The following NLRP9 variants were observed in gnomAD, a reference collection of about 807,000 sequenced individuals.
NLRP9 encodes NLR family pyrin domain containing 9.
In NLRP9, 88 loss-of-function variants were observed where a neutral mutation model predicts 83.1. The ratio of observed to expected loss-of-function variants is 1.06; its 90% CI spans 0.89 to 1.26. The LOEUF is 1.26. NLRP9 is among the 50% of genes most tolerant of loss of function. The pLI is 0.00. For missense variants in NLRP9, 1,308 were observed against 1,179.3 expected, an observed-to-expected ratio of 1.11 and a Z score of -1.60; for synonymous variants, 521 against 447.6, an observed-to-expected ratio of 1.16 and a Z score of -2.07.
chr19:55,712,535 T>C lies in NLRP9; in HGVS notation c.2557A>G (p.Ile853Val), dbSNP rs755377172. The change falls in exon 7 of 9, where the codon ATT (isoleucine) becomes GTT (valine). Residue 853 changes from isoleucine to valine, a missense_variant. Ile to Val is a conservative substitution (Grantham distance 29). Coordinates refer to ENST00000332836, the MANE Select transcript of NLRP9 (RefSeq NM_176820.4). ...DSCKDIAAVL[I>V]CNGKLKTLKL... Reference sequence around the variant, plus strand: ...AGGGTCTTCAGTTTCCCATTGCAAATAAGAACAGCAGCAATGTCCTTACAG... The same window carrying C: ...AGGGTCTTCAGTTTCCCATTGCAAACAAGAACAGCAGCAATGTCCTTACAG... 6.2e-7 allele frequency: 1 copy of C among 1,612,470 alleles called. No homozygotes were observed. Among genetic ancestry groups the C allele is most frequent in the Non-Finnish European group, 8.5e-7 (1 of 1,179,840 alleles).
rs112719846 is a variant in NLRP9, at chr19:55,725,569, G to A, written c.1995-1425C>T. The stretch of plus-strand genomic sequence containing the variant: ...AGGCTGGAGGAACTGTGCGGACTGC[G>A]GGCGGAGTGATCCCCTAAATGTCTG... On this transcript the variant is annotated intron_variant, in intron 3 of 8. Transcript: ENST00000332836. 4.6e-3 allele frequency among the ~76,000 whole-genome samples: 701 copies of A among 152,240 alleles called. 6 individuals are homozygous for A. The highest frequency in any genetic ancestry group is 0.016 in the African/African-American group (654 of 41,538).
chr19:55,717,790 C>G (rs1401323730), intron 4 of NLRP9, among the ~76,000 whole-genome samples: 1 of 152,164 alleles, frequency 6.6e-6, no homozygotes, highest in Non-Finnish European at 1.5e-5. Context: ...TCGATTATGC[C>G]TGTGTGATGA....
In NLRP9 at chr19:55,724,069, C is replaced by T; in HGVS notation, c.2070G>A (p.Leu690=). Residue 690 remains leucine, a synonymous_variant, in exon 4 of 9, where the codon CTG becomes CTA. Coordinates refer to ENST00000332836, the MANE Select transcript of NLRP9 (RefSeq NM_176820.4). The stretch of plus-strand genomic sequence containing the variant: ...GGGAGAGGCTAGTGCCGTACAGGCT[C>T]AGAAGTTTCAGATGAGGGTTGTGAA... ...AVLHNPHLKL[L]SLYGTSLSQS... The T allele has an allele frequency of 6.2e-7, 1 of 1,613,592 alleles. No homozygotes were observed. The highest frequency in any genetic ancestry group is 8.5e-7 in the Non-Finnish European group (1 of 1,179,574).
At chr19:55,719,480 T>C (rs1207993471) in intron 4 of NLRP9, among the ~76,000 whole-genome samples, 2 of 152,242 alleles carry the variant, frequency 1.3e-5, no homozygotes, top group Admixed American at 6.5e-5. Context: ...CAGATCTGTC[T>C]TCTCCATCCC....
chr19:55,735,043 T>A (rs1199237151), intron 1 of NLRP9, among the ~76,000 whole-genome samples: 1 of 152,084 alleles, frequency 6.6e-6, no homozygotes, highest in East Asian at 1.9e-4. Flanking sequence ...TCAGAAAAAT[T>A]TTGAGTCTTG....
rs1450647521 is a variant in NLRP9 at position 55,736,263 on chromosome 19, C to T, written c.280+1832G>A. The stretch of plus-strand genomic sequence containing the variant: ...AAAATTATCTGGGCGTGGTGGCAGG[C>T]GCCTGTAGTCCCAGCTACCTGGGAG... On this transcript the variant is annotated intron_variant, in intron 1 of 8. Coordinates refer to ENST00000332836, the MANE Select transcript of NLRP9 (RefSeq NM_176820.4). 2.1e-4 allele frequency among the ~76,000 whole-genome samples: 32 copies of T among 151,568 alleles called. 1 individual carries two copies. Among genetic ancestry groups the T allele is most frequent in the East Asian group, 4.0e-4 (2 of 5,040 alleles).
At chr19:55,711,235 T>G (rs1185916145) in intron 8 of NLRP9, 2 of 380,010 alleles carry the variant, frequency 5.3e-6, no homozygotes, top group African/African-American at 4.4e-5. Context: ...CCCCGCCCAT[T>G]TGTTTTTTAA....
chr19:55,716,642 A>G, intron 5 of NLRP9, 86 bp downstream of exon 5: 1 of 1,104,436 alleles, frequency 9.1e-7, no homozygotes, highest in African/African-American at 1.5e-5. Flanking sequence ...TGCACCCCTC[A>G]GTGAGCACCG....
Position 55,732,588 on chromosome 19 carries a change from G to T in NLRP9, c.1243C>A (p.Leu415Ile). ...TYTFVFSHGDLRRNGLSESEG... is the reference protein window; with the variant it reads ...TYTFVFSHGDIRRNGLSESEG... ...GACTCAGATAACCCATTCCTCCGGA[G>T]ATCCCCATGGGAAAATACAAATGTA... Residue 415 changes from leucine (L) to isoleucine (I), a missense_variant, in exon 2 of 9, where the codon CTC becomes ATC. By Grantham distance (5) the Leu-to-Ile change is conservative (BLOSUM62 2). Transcript: ENST00000332836. 1 of 1,614,172 alleles carries T rather than the reference G, an allele frequency of 6.2e-7. No homozygotes were observed. Among genetic ancestry groups the T allele is most frequent in the Non-Finnish European group, 8.5e-7 (1 of 1,180,018 alleles).
At chr19:55,735,198 G>C (rs1988753178) in intron 1 of NLRP9, among the ~76,000 whole-genome samples, 1 of 152,156 alleles carries the variant, frequency 6.6e-6, no homozygotes, top group African/African-American at 2.4e-5. Flanking sequence ...TTTATTCTCC[G>C]CTATATCCCT....
chr19:55,712,492 T>G lies in NLRP9; in HGVS notation c.2600A>C (p.Glu867Ala). 1 of 1,612,738 alleles carries G rather than the reference T, an allele frequency of 6.2e-7. No homozygotes were observed. Among genetic ancestry groups the G allele is most frequent in the Non-Finnish European group, 8.5e-7 (1 of 1,179,812 alleles). ...CTGTCTGACACCAGTGTCTCCTATT[T>G]CATTATGCCCAAGTTTCAGGGTCTT... ...KLKTLKLGHN[E>A]IGDTGVRQLC... Residue 867 changes from glutamate to alanine, a missense_variant, in exon 7 of 9, where the codon GAA becomes GCA. Transcript: ENST00000332836.
At chr19:55,729,671 T>C (rs1234053342) in intron 3 of NLRP9, among the ~76,000 whole-genome samples, 160 bp downstream of exon 3, 1 of 152,190 alleles carries the variant, frequency 6.6e-6, no homozygotes, top group Non-Finnish European at 1.5e-5. Flanking sequence ...GTCTTTGCTA[T>C]TGTGAATAGT....
At chr19:55,734,210 A>T (rs1369052111) in intron 1 of NLRP9, among the ~76,000 whole-genome samples, 3 of 151,642 alleles carry the variant, frequency 2.0e-5, no homozygotes, top group Non-Finnish European at 4.4e-5. Flanking sequence ...GGCGTGAGCC[A>T]CCGCGCCCGG....
In NLRP9 at chr19:55,738,352, T is replaced by C. The variant is rs762789817; in HGVS notation, c.23A>G (p.Asp8Gly). 4.3e-6 allele frequency: 7 copies of C among 1,612,374 alleles called. No homozygotes were observed. Among genetic ancestry groups the C allele is most frequent in the Non-Finnish European group, 5.9e-6 (7 of 1,179,594 alleles). MAESFFS[D>G]FGLLWYLKEL... ...CTTCAGATACCACAACAAGCCAAAA[T>C]CCGAAAAAAAAGATTCTGCCATATC... The change falls in exon 1 of 9, where the codon GAT becomes GGT. Residue 8 changes from aspartate (D) to glycine (G), a missense_variant. By Grantham distance (94) the Asp-to-Gly change is moderately conservative. Transcript: ENST00000332836.
intron 2 of NLRP9, among the ~76,000 whole-genome samples, chr19:55,731,297 T>C (rs539066794): frequency 8.4e-4 from 125 of 148,070 alleles, no homozygotes; most frequent in African/African-American, 2.9e-3. Flanking sequence ...GTGGGGTCAC[T>C]GGGGGATACC....
At chr19:55,724,318 G>C (rs995581197) in intron 3 of NLRP9, among the ~76,000 whole-genome samples, 174 bp from the exon 4 acceptor site, 3 of 151,838 alleles carry the variant, frequency 2.0e-5, no homozygotes, top group Admixed American at 6.6e-5. Context: ...ACACCAGACA[G>C]CACAGAGGCT....
intron 5 of NLRP9, among the ~76,000 whole-genome samples, chr19:55,716,265 T>C (rs1163288427): frequency 1.3e-5 from 2 of 149,078 alleles, no homozygotes; most frequent in Admixed American, 6.7e-5. Context: ...TTCTTTTTTT[T>C]TTTTTTTTTT....
chr19:55,711,587 A>G (rs2122276650), intron 8 of NLRP9: 1 of 911,134 alleles, frequency 1.1e-6, no homozygotes, highest in Non-Finnish European at 1.7e-6. Context: ...GGGAAGTGCT[A>G]CTGGCAACTC....
intron 4 of NLRP9, among the ~76,000 whole-genome samples, chr19:55,718,003 TTC>T (rs1349327884): frequency 8.5e-5 from 13 of 152,274 alleles, no homozygotes; most frequent in Admixed American, 7.2e-4. Flanking sequence ...AGAAAAACTG[TTC>T]TGTTTTGAGA....
Sources: allele counts gnomAD v4.1 joint callset (sites outside exome capture counted in the v4.1 genomes callset), GRCh38; gene constraint gnomAD v4.1.1; transcripts MANE v1.5; gene names NCBI Gene and HGNC (gene_info 2026-07-23, HGNC 2026-07-21).